The following DLGAP2 variants were observed in gnomAD, a reference collection of about 807,000 sequenced individuals.
DLGAP2 encodes disks large-associated protein 2.
A neutral mutation model predicts 100.3 loss-of-function variants in DLGAP2; 26 were observed. The ratio of observed to expected loss-of-function variants is 0.26; its 90% confidence interval spans 0.19 to 0.36. The LOEUF (loss-of-function observed/expected upper bound fraction) is 0.36, where lower values mean the gene tolerates loss of function less well. Among genes scored for constraint, DLGAP2 ranks in the 10% least tolerant of loss-of-function variants. The probability of loss-of-function intolerance (pLI) is 1.00; values close to 1 mark genes in which losing one functional copy is unlikely to be tolerated. For synonymous variants in DLGAP2, 886 were observed against 630.1 expected (o/e 1.41, Z -6.08); for missense variants, 1,858 against 1,453.2 (o/e 1.28, Z -4.53).
At chr8:802,012 G>GTCTGCACCCCTCCTGGGCCC (rs1796167704) in intron 1 of DLGAP2, among the ~76,000 whole-genome samples, 1 of 148,366 alleles carries the variant, frequency 6.7e-6, no homozygotes, top group African/African-American at 2.5e-5. Context: ...CTGAGGAACA[G>GTCTGCACCCCTCCTGGGCCC]TCCGCACCCC....
intron 8 of DLGAP2, among the ~76,000 whole-genome samples, chr8:1,649,499 C>G (rs1044846331): frequency 4.6e-5 from 7 of 152,156 alleles, no homozygotes; most frequent in Non-Finnish European, 1.0e-4. Flanking sequence ...AATCTTTGAA[C>G]CCTTTTTCAA....
At chr8:897,883 C>T (rs553124992) in intron 1 of DLGAP2, among the ~76,000 whole-genome samples, 1 of 152,230 alleles carries the variant, frequency 6.6e-6, no homozygotes, top group Non-Finnish European at 1.5e-5. Flanking sequence ...GGGGACCAGG[C>T]TTCCTCCCAC....
intron 6 of DLGAP2, 68 bp downstream of exon 6, chr8:1,565,962 C>G: frequency 7.2e-7 from 1 of 1,390,844 alleles, no homozygotes; most frequent in Non-Finnish European, 9.7e-7. Context: ...CTCTCCAAAA[C>G]CACTTCACCG....
chr8:953,876 A>G (rs1799538496), intron 2 of DLGAP2, among the ~76,000 whole-genome samples: 1 of 152,232 alleles, frequency 6.6e-6, no homozygotes, highest in South Asian at 2.1e-4. Context: ...GAGATTTAAT[A>G]AAACTGATCT....
In DLGAP2 at chr8:1,470,239, G is replaced by A. The variant is rs577790033; in HGVS notation, c.107-31127G>A. 1.3e-3 allele frequency among the ~76,000 whole-genome samples: 196 copies of A among 152,192 alleles called. 2 individuals carry two copies. Among genetic ancestry groups the A allele is most frequent in the African/African-American group, 4.4e-3 (182 of 41,502 alleles). ...GGATGCTTCACTCCGCTGTCTCGCT[G>A]GACGTCTACACTGTCGCCTGTGTTA... On this transcript the variant is annotated intron_variant, in intron 3 of 14. Coordinates refer to ENST00000637795, the MANE Select transcript of DLGAP2 (RefSeq NM_001346810.2).
intron 2 of DLGAP2, among the ~76,000 whole-genome samples, chr8:981,732 G>T (rs1368288844): frequency 1.3e-5 from 2 of 152,140 alleles, no homozygotes; most frequent in African/African-American, 4.8e-5. Context: ...GAGAAATACT[G>T]ATCCAAATCC....
Position 1,549,701 on chromosome 8 carries a change from C to G in DLGAP2, c.1230+18C>G. 4 of 1,520,996 alleles carry G rather than the reference C, an allele frequency of 2.6e-6. No homozygotes were observed. The highest frequency in any genetic ancestry group is 3.5e-6 in the Non-Finnish European group (4 of 1,132,254). The allele number at this position is 1,520,996 out of a possible 1,614,324, so 94.2% of individuals were successfully genotyped here. ...ACCTCCAGGTAAGCAGGCTCACGGCCCTGTGGAGGCCGTCTCGGCACAGCA... is the reference window on the plus strand; with the variant it reads ...ACCTCCAGGTAAGCAGGCTCACGGCGCTGTGGAGGCCGTCTCGGCACAGCA... On this transcript the variant is annotated intron_variant, in intron 5 of 14. Transcript: ENST00000637795.
chr8:1,641,876 A>G (rs374527679), intron 8 of DLGAP2, among the ~76,000 whole-genome samples: 1 of 131,962 alleles, frequency 7.6e-6, no homozygotes, highest in South Asian at 2.5e-4. Flanking sequence ...TACCCCTCGA[A>G]CCCGCCGGTC....
chr8:1,112,148 T>G (rs1373257606), intron 2 of DLGAP2, among the ~76,000 whole-genome samples: 4 of 152,154 alleles, frequency 2.6e-5, no homozygotes, highest in Non-Finnish European at 5.9e-5. Context: ...TTTGCATTTC[T>G]CTAATGATAA....
intron 3 of DLGAP2, among the ~76,000 whole-genome samples, chr8:1,416,188 A>G (rs1481951697): frequency 6.6e-6 from 1 of 152,194 alleles, no homozygotes; most frequent in African/African-American, 2.4e-5. Flanking sequence ...TCCCCAGACG[A>G]TGCCTGGTTA....
intron 7 of DLGAP2, among the ~76,000 whole-genome samples, chr8:1,629,776 C>A (rs1028455555): frequency 6.6e-6 from 1 of 152,232 alleles, no homozygotes; most frequent in Non-Finnish European, 1.5e-5. Context: ...ATCTCTAATA[C>A]TTTTCCACAA....
At chr8:1,140,941 C>G (rs949067377) in intron 2 of DLGAP2, among the ~76,000 whole-genome samples, 1 of 152,196 alleles carries the variant, frequency 6.6e-6, no homozygotes, top group Non-Finnish European at 1.5e-5. Flanking sequence ...AGAGATTATG[C>G]CACTGCACTC....
At position 1,549,142 on chromosome 8, in the gene DLGAP2, G is replaced by A; in HGVS notation, c.689G>A (p.Arg230His). 1.3e-6 allele frequency: 2 copies of A among 1,592,368 alleles called. No individual in the cohort carries two copies. Among genetic ancestry groups the A allele is most frequent in the East Asian group, 2.3e-5 (1 of 43,674 alleles). Residue 230 changes from arginine to histidine, a missense_variant, in exon 5 of 15, where the codon CGC (arginine) becomes CAC (histidine). By Grantham distance (29) the Arg-to-His change is conservative. Coordinates refer to ENST00000637795, the MANE Select transcript of DLGAP2 (RefSeq NM_001346810.2). ...CGCAGCGAGAGCCCCGGGCGGATCCGCCACCTGGTACACTCCGTGCAGAAG... is the reference window on the plus strand; with the variant it reads ...CGCAGCGAGAGCCCCGGGCGGATCCACCACCTGGTACACTCCGTGCAGAAG... ...EQRSESPGRI[R>H]HLVHSVQKLF...
intron 1 of DLGAP2, among the ~76,000 whole-genome samples, chr8:808,242 C>T (rs1431597179): frequency 1.3e-5 from 2 of 152,178 alleles, no homozygotes; most frequent in African/African-American, 2.4e-5. Context: ...TACGTGTTGA[C>T]GATGACTTAC....
chr8:1,667,815 T>C (rs12056406), intron 8 of DLGAP2, among the ~76,000 whole-genome samples: 38,320 of 152,070 alleles, frequency 0.25, 7,519 homozygotes, highest in African/African-American at 0.53. Context: ...AATGACGCCA[T>C]GCCTGTGCGC....
chr8:1,599,684 C>T (rs1197656570), intron 6 of DLGAP2, among the ~76,000 whole-genome samples: 1 of 152,138 alleles, frequency 6.6e-6, no homozygotes, highest in Non-Finnish European at 1.5e-5. Flanking sequence ...TTATCAGAGA[C>T]TAGGATTGCA....
intron 3 of DLGAP2, among the ~76,000 whole-genome samples, chr8:1,276,070 T>C (rs1343413026): frequency 1.4e-5 from 2 of 140,320 alleles, no homozygotes; most frequent in African/African-American, 5.3e-5. Flanking sequence ...AAAATAAATA[T>C]ATAATATATA....
intron 1 of DLGAP2, chr8:754,259 C>T (rs1021362700): frequency 6.6e-6 from 1 of 152,254 alleles, no homozygotes; most frequent in Non-Finnish European, 1.5e-5. Flanking sequence ...CCGTCGCCAA[C>T]TCTGCCGAGT....
chr8:1,482,327 G>C (rs1584944487), intron 3 of DLGAP2, among the ~76,000 whole-genome samples: 2 of 152,348 alleles, frequency 1.3e-5, no homozygotes, highest in South Asian at 2.1e-4. Context: ...GCTGCACGAG[G>C]CTTGCCTTCC....
Sources: allele counts gnomAD v4.1 joint callset (sites outside exome capture counted in the v4.1 genomes callset), GRCh38; gene constraint gnomAD v4.1.1; transcripts MANE v1.5; gene names NCBI Gene and HGNC (gene_info 2026-07-23, HGNC 2026-07-21).